NDUFS1: variants seen among roughly 807,000 people sequenced by gnomAD.
NDUFS1 encodes NADH-ubiquinone oxidoreductase 75 kDa subunit, mitochondrial.
A neutral mutation model predicts 84.4 loss-of-function variants in NDUFS1; 61 were observed. The ratio of observed to expected loss-of-function variants is 0.72; its 90% confidence interval spans 0.59 to 0.89. The LOEUF (loss-of-function observed/expected upper bound fraction) is 0.89. Ranked by LOEUF, NDUFS1 falls within the 40% of genes least tolerant of loss-of-function variation. The pLI is 0.00. For synonymous variants in NDUFS1, 275 were observed against 290.0 expected (o/e 0.95, Z 0.53); for missense variants, 891 against 890.0 (o/e 1.00, Z -0.01).
At chr2:206,159,019 G>A in intron 1 of NDUFS1, 2 of 1,468,414 alleles carry the variant, frequency 1.4e-6, no homozygotes, top group Non-Finnish European at 1.8e-6. Context: ...CTCTCCCGGG[G>A]AATAAAACGG....
At chr2:206,154,242 C>T (rs1209963236) in intron 1 of NDUFS1, among the ~76,000 whole-genome samples, 1 of 152,240 alleles carries the variant, frequency 6.6e-6, no homozygotes, top group Non-Finnish European at 1.5e-5. Context: ...GTTCTGCCCT[C>T]ACTGCATTAA....
In NDUFS1 at chr2:206,159,409, G is replaced by T. The variant is rs367649369; in HGVS notation, c.-73C>A. ...ACCACGACGACCCCCTAGGAGGCCGGGTCGCTTATTCAATATGGCGGCCTC... is the reference window on the plus strand; with the variant it reads ...ACCACGACGACCCCCTAGGAGGCCGTGTCGCTTATTCAATATGGCGGCCTC... On this transcript the variant is annotated 5_prime_UTR_variant, in exon 1 of 19. Transcript: ENST00000233190. 5 of 502,218 alleles carry T rather than the reference G, an allele frequency of 1.0e-5. No homozygotes were observed. In the East Asian group the frequency reaches 1.3e-4, roughly 13 times the overall value. The allele number at this position is 502,218 out of a possible 1,614,324, so 31.1% of individuals were successfully genotyped here.
At chr2:206,142,450 G>C (rs1691999635) in intron 11 of NDUFS1, among the ~76,000 whole-genome samples, 1 of 152,198 alleles carries the variant, frequency 6.6e-6, no homozygotes, top group Non-Finnish European at 1.5e-5. Flanking sequence ...CCTGCACTTA[G>C]GCGATCTGCC....
rs1166165779 is a variant in NDUFS1, at chr2:206,126,847, A to G, written c.1885-3T>C. On this transcript the variant is annotated splice_region_variant and splice_polypyrimidine_tract_variant and intron_variant, in intron 16 of 18. Coordinates refer to ENST00000233190, the MANE Select transcript of NDUFS1 (RefSeq NM_005006.7). The stretch of plus-strand genomic sequence containing the variant: ...TATGGAAGAGTCATTCCAGCAATCT[A>G]CAACATGTCAGGTCCCCAAAAACAA... 1.9e-6 allele frequency: 3 copies of G among 1,613,902 alleles called. No individual in the cohort carries two copies. The highest frequency in any genetic ancestry group is 2.5e-6 in the Non-Finnish European group (3 of 1,180,014).
chr2:206,127,363 C>A (rs1691333073), intron 16 of NDUFS1, among the ~76,000 whole-genome samples: 1 of 152,146 alleles, frequency 6.6e-6, no homozygotes, highest in Admixed American at 6.5e-5. Context: ...GGCGAAACCC[C>A]ATCTCTACTA....
intron 8 of NDUFS1, among the ~76,000 whole-genome samples, chr2:206,146,383 GGAT>G (rs1692154521): frequency 6.6e-6 from 1 of 152,048 alleles, no homozygotes; most frequent in Admixed American, 6.6e-5. Context: ...GTTTAAAATT[GGAT>G]GATAATTTGT....
At chr2:206,133,916 G>C (rs1051836460) in intron 13 of NDUFS1, among the ~76,000 whole-genome samples, 4 of 152,216 alleles carry the variant, frequency 2.6e-5, no homozygotes, top group Non-Finnish European at 4.4e-5. Flanking sequence ...GGAGGCGGAG[G>C]TTGCAGTGGG....
At position 206,123,484 on chromosome 2, in the gene NDUFS1, T is replaced by C. The variant is rs1441455552; in HGVS notation, c.*701A>G. 6.6e-6 allele frequency: 1 copy of C among 152,218 alleles called. No homozygotes were observed. The highest frequency in any genetic ancestry group is 2.4e-5 in the African/African-American group (1 of 41,464). 9.4% of individuals were successfully genotyped at this position (152,218 alleles called of 1,614,324 possible). On this transcript the variant is annotated 3_prime_UTR_variant, in exon 19 of 19. Coordinates refer to ENST00000233190, the MANE Select transcript of NDUFS1 (RefSeq NM_005006.7). ...AACATTAATGAGACGAAATAATATGTTGCAGTTAAGAACAACAGGCTTTGG... is the reference window on the plus strand; with the variant it reads ...AACATTAATGAGACGAAATAATATGCTGCAGTTAAGAACAACAGGCTTTGG...
intron 3 of NDUFS1, among the ~76,000 whole-genome samples, chr2:206,150,972 G>A (rs771706725): frequency 4.6e-5 from 7 of 151,936 alleles, no homozygotes; most frequent in East Asian, 1.9e-4. Context: ...AAAATCCCTC[G>A]GGTCTTCATC....
intron 12 of NDUFS1, among the ~76,000 whole-genome samples, chr2:206,139,485 C>T (rs1691851529): frequency 6.6e-6 from 1 of 151,926 alleles, no homozygotes; most frequent in Non-Finnish European, 1.5e-5. Context: ...CTGTGCCCGG[C>T]CTAAAAAAAT....
In NDUFS1 at chr2:206,137,477, G is replaced by A. The variant is rs1157391874; in HGVS notation, c.1392+1008C>T. On this transcript the variant is annotated intron_variant, in intron 13 of 18. Coordinates refer to ENST00000233190, the MANE Select transcript of NDUFS1 (RefSeq NM_005006.7). ...GAGCGAGACTTCGTCTCCCCGCCAA[G>A]GAAAAAGAAAAAAAAAGATAATCAG... is the stretch of plus-strand genomic sequence containing the variant. 2.7e-5 allele frequency among the ~76,000 whole-genome samples: 4 copies of A among 150,618 alleles called. No homozygotes were observed. In the South Asian group the frequency reaches 6.2e-4, roughly 23 times the overall value.
At chr2:206,143,949 C>A in intron 10 of NDUFS1, 69 bp downstream of exon 10, 2 of 1,219,070 alleles carry the variant, frequency 1.6e-6, no homozygotes, top group South Asian at 2.4e-5. Context: ...TATACATCCC[C>A]CCCTTCATGG....
In NDUFS1 at chr2:206,159,434, C is replaced by T. The variant is rs1411853887; in HGVS notation, c.-98G>A. On this transcript the variant is annotated 5_prime_UTR_variant, in exon 1 of 19. Transcript: ENST00000233190. ...GGTCGCTTATTCAATATGGCGGCCT[C>T]GGCTAACTCTGTCAGCCGGGCCTGG... 4.5e-6 allele frequency: 2 copies of T among 445,338 alleles called. No individual in the cohort carries two copies. The highest frequency in any genetic ancestry group is 8.1e-6 in the Non-Finnish European group (2 of 245,960). 27.6% of individuals were successfully genotyped at this position (445,338 alleles called of 1,614,324 possible).
At chr2:206,144,408 C>A (rs923790017) in intron 9 of NDUFS1, among the ~76,000 whole-genome samples, 12 of 152,158 alleles carry the variant, frequency 7.9e-5, no homozygotes, top group African/African-American at 2.9e-4. Context: ...GCTAACTGAA[C>A]AATCTTAAAA....
chr2:206,159,108 G>A, intron 1 of NDUFS1: 3 of 1,535,722 alleles, frequency 2.0e-6, no homozygotes, highest in East Asian at 2.4e-5. Context: ...TCGTGACAGC[G>A]TTCCCGAGGA....
rs1328572992 is a variant in NDUFS1, at chr2:206,120,333, G to A, written c.*3852C>T. 1 of 152,220 alleles carries A rather than the reference G, an allele frequency of 6.6e-6. No homozygotes were observed. The highest frequency in any genetic ancestry group is 1.5e-5 in the Non-Finnish European group (1 of 68,070). 9.4% of individuals were successfully genotyped at this position (152,220 alleles called of 1,614,324 possible). The stretch of plus-strand genomic sequence containing the variant: ...AAACAGCTTTGGAACTGGGTAACAG[G>A]CAGAGGTTGGAAGAATCTGGAGGGC... On this transcript the variant is annotated 3_prime_UTR_variant, in exon 19 of 19. Coordinates refer to ENST00000233190, the MANE Select transcript of NDUFS1 (RefSeq NM_005006.7).
Position 206,138,556 on chromosome 2 carries a change from TGTAA to T in NDUFS1, c.1317_1320del (p.Tyr440HisfsTer26). The T allele has an allele frequency of 3.7e-6, 6 of 1,613,944 alleles. No individual in the cohort carries two copies. Among genetic ancestry groups the T allele is most frequent in the Non-Finnish European group, 5.1e-6 (6 of 1,179,862 alleles). The stretch of plus-strand genomic sequence containing the variant: ...GGGGAGTCTCCCAGGTGGTCATATG[TGTAA>T]GTGAGGTCCACTGGACTGCCTATAA... On this transcript the variant is annotated frameshift_variant, in exon 13 of 19. Transcript: ENST00000233190. LOFTEE classifies it high-confidence loss of function.
Position 206,147,019 on chromosome 2 carries a change from G to A in NDUFS1, c.621C>T (p.Gly207=), listed in dbSNP as rs1293149544. The A allele has an allele frequency of 6.2e-7, 1 of 1,614,040 alleles. No individual in the cohort carries two copies. The highest frequency in any genetic ancestry group is 1.7e-5 in the Admixed American group (1 of 60,012). The part of the protein sequence containing the change: ...TTGRGNDMQV[G]TYIEKMFMSE... ...ACATGAACATCTTTTCAATGTATGTGCCAACTTGCATATCATTTCCTCTGC... is the reference window on the plus strand; with the variant it reads ...ACATGAACATCTTTTCAATGTATGTACCAACTTGCATATCATTTCCTCTGC... Residue 207 remains glycine, a synonymous_variant, in exon 8 of 19, where the codon GGC becomes GGT. Coordinates refer to ENST00000233190, the MANE Select transcript of NDUFS1 (RefSeq NM_005006.7).
intron 12 of NDUFS1, among the ~76,000 whole-genome samples, chr2:206,138,883 A>G (rs113008319): frequency 4.6e-5 from 7 of 152,276 alleles, no homozygotes; most frequent in African/African-American, 1.7e-4. Context: ...TTAGGAGGCT[A>G]AGGCAGGTGG....
Sources: gnomAD v4.1 joint callset for allele counts (sites outside exome capture counted in the v4.1 genomes callset) on GRCh38, gnomAD v4.1.1 for gene constraint, MANE v1.5 for transcripts, NCBI Gene and HGNC (gene_info 2026-07-23, HGNC 2026-07-21) for gene names.